Variants in PALLD observed in about 807,000 individuals in gnomAD.
PALLD encodes palladin, cytoskeletal associated protein.
Under a neutral mutation model 123.5 loss-of-function variants are expected in PALLD, and 61 were observed. That is an observed-to-expected ratio of 0.49 (90% confidence interval 0.40 to 0.61). PALLD has a LOEUF of 0.61. PALLD is among the 20% of genes least tolerant of loss of function. The probability of loss-of-function intolerance (pLI) is 0.00; values close to 1 mark genes in which losing one functional copy is unlikely to be tolerated. For missense variants in PALLD, 1,273 were observed against 1,377.0 expected (o/e 0.92, Z 1.20); for synonymous variants, 465 against 496.4 (o/e 0.94, Z 0.84).
chr4:168,670,784 A>C (rs12509985), intron 3 of PALLD, among the ~76,000 whole-genome samples: 7 of 137,836 alleles, frequency 5.1e-5, no homozygotes, highest in East Asian at 2.1e-4. Flanking sequence ...ACAAAAAAAA[A>C]AAAACAAAAA....
At chr4:168,577,155 T>C (rs1412766958) in intron 2 of PALLD, among the ~76,000 whole-genome samples, 1 of 152,066 alleles carries the variant, frequency 6.6e-6, no homozygotes, top group Non-Finnish European at 1.5e-5. Context: ...AAAATGGAAG[T>C]GAGGTACAGA....
chr4:168,607,709 C>T (rs1475869123), intron 2 of PALLD, among the ~76,000 whole-genome samples: 1 of 151,886 alleles, frequency 6.6e-6, no homozygotes, highest in Admixed American at 6.6e-5. Context: ...GTAGTTGAGG[C>T]TGTCATGCTG....
chr4:168,870,038 T>C (rs189501955), intron 10 of PALLD, among the ~76,000 whole-genome samples: 2 of 152,252 alleles, frequency 1.3e-5, no homozygotes, highest in Admixed American at 6.5e-5. Context: ...GCTGCAGAGA[T>C]ACCAAGAATG....
At chr4:168,631,633 C>G (rs1410226388) in intron 2 of PALLD, 1 of 985,440 alleles carries the variant, frequency 1.0e-6, no homozygotes, top group African/African-American at 1.7e-5. Context: ...GCGCTGGAGA[C>G]CGGCGGCCTC....
intron 2 of PALLD, among the ~76,000 whole-genome samples, chr4:168,514,869 A>G (rs1327943899): frequency 6.6e-6 from 1 of 152,190 alleles, no homozygotes; most frequent in Non-Finnish European, 1.5e-5. Context: ...AATTCACTTA[A>G]CCATTTGGTG....
chr4:168,776,078 T>C (rs1423052885), intron 10 of PALLD, among the ~76,000 whole-genome samples: 4 of 152,236 alleles, frequency 2.6e-5, no homozygotes, highest in Non-Finnish European at 5.9e-5. Flanking sequence ...AAAAGCTTGC[T>C]GGGAATTTGA....
intron 2 of PALLD, among the ~76,000 whole-genome samples, chr4:168,625,324 A>G (rs186188144): frequency 2.0e-5 from 3 of 152,128 alleles, no homozygotes; most frequent in South Asian, 4.1e-4. Flanking sequence ...GATTATTATC[A>G]TGAAGTGGTG....
At chr4:168,814,481 T>C (rs1236809899) in intron 10 of PALLD, among the ~76,000 whole-genome samples, 1 of 152,166 alleles carries the variant, frequency 6.6e-6, no homozygotes, top group Non-Finnish European at 1.5e-5. Context: ...CCGAACCATG[T>C]TGGGAATTCT....
At chr4:168,542,563 C>G in intron 2 of PALLD, among the ~76,000 whole-genome samples, 1 of 150,942 alleles carries the variant, frequency 6.6e-6, no homozygotes, top group Admixed American at 6.6e-5. Flanking sequence ...TTATATCAAC[C>G]ACAACCACAA....
At chr4:168,538,404 A>C (rs2149499299) in intron 2 of PALLD, among the ~76,000 whole-genome samples, 1 of 152,186 alleles carries the variant, frequency 6.6e-6, no homozygotes, top group Non-Finnish European at 1.5e-5. Context: ...TAATTCCTAC[A>C]GTCATGACAT....
Position 168,535,932 on chromosome 4 carries a change from A to T in PALLD, c.908+23520A>T, listed in dbSNP as rs969263327. On this transcript the variant is annotated intron_variant, in intron 2 of 21. Coordinates refer to ENST00000505667, the MANE Select transcript of PALLD (RefSeq NM_001166108.2). ...TCATCGCATTAATAATCACATAAGC[A>T]ACGTGGTGTGTAATTTACAAGAACA... Among the ~76,000 whole-genome samples the T allele has an allele frequency of 5.6e-4, 85 of 152,196 alleles. 1 individual carries two copies. Among genetic ancestry groups the T allele is most frequent in the Admixed American group, 1.8e-3 (27 of 15,282 alleles).
chr4:168,544,941 A>G (rs760200224), intron 2 of PALLD, among the ~76,000 whole-genome samples: 1 of 152,160 alleles, frequency 6.6e-6, no homozygotes, highest in Non-Finnish European at 1.5e-5. Flanking sequence ...ACACGTGCCT[A>G]TATATGACCG....
Position 168,879,552 on chromosome 4 carries a change from A to G in PALLD, c.1965-11370A>G, listed in dbSNP as rs570417179. Among the ~76,000 whole-genome samples, 155 of 152,350 alleles carry G rather than the reference A, an allele frequency of 1.0e-3. 4 individuals carry two copies. The highest frequency in any genetic ancestry group is 6.8e-3 in the South Asian group (33 of 4,830). On this transcript the variant is annotated intron_variant, in intron 10 of 21. Transcript: ENST00000505667. The stretch of plus-strand genomic sequence containing the variant: ...ATTCAAGTTATTTTCATTCATCTAT[A>G]AAAGTGTTCCATTGCTAGGATACAC...
chr4:168,602,951 A>G (rs1772821366), intron 2 of PALLD, among the ~76,000 whole-genome samples: 1 of 151,586 alleles, frequency 6.6e-6, no homozygotes, highest in Admixed American at 6.6e-5. Context: ...AAAAAATTGC[A>G]GAGAAAAGGT....
chr4:168,716,968 C>A (rs1207914329), intron 10 of PALLD, among the ~76,000 whole-genome samples: 1 of 152,208 alleles, frequency 6.6e-6, no homozygotes, highest in African/African-American at 2.4e-5. Flanking sequence ...CTGGCTCTTA[C>A]TTGTCTTTCA....
chr4:168,726,663 A>C (rs72984654), intron 10 of PALLD, among the ~76,000 whole-genome samples: 7 of 152,128 alleles, frequency 4.6e-5, no homozygotes, highest in African/African-American at 1.7e-4. Flanking sequence ...GATTATAGGC[A>C]TGAGCCACCA....
chr4:168,528,417 G>T (rs1764278567), intron 2 of PALLD, among the ~76,000 whole-genome samples: 1 of 152,232 alleles, frequency 6.6e-6, no homozygotes, highest in African/African-American at 2.4e-5. Context: ...ATTTGATGTT[G>T]TAAGTGGAAT....
At chr4:168,923,254 T>TA (rs1329765139) in intron 18 of PALLD, among the ~76,000 whole-genome samples, 69 of 152,366 alleles carry the variant, frequency 4.5e-4, no homozygotes, top group African/African-American at 1.6e-3. Context: ...TAAAATTCAA[T>TA]AAAAATCCAA....
chr4:168,617,756 C>T (rs1037161845), intron 2 of PALLD, among the ~76,000 whole-genome samples: 26 of 152,154 alleles, frequency 1.7e-4, no homozygotes, highest in Non-Finnish European at 1.2e-4. Context: ...GGCTTAAATG[C>T]TATACGTAAA....
Sources: gnomAD v4.1 joint callset for allele counts (sites outside exome capture counted in the v4.1 genomes callset) on GRCh38, gnomAD v4.1.1 for gene constraint, MANE v1.5 for transcripts, NCBI Gene and HGNC (gene_info 2026-07-23, HGNC 2026-07-21) for gene names.